The following VAT1L variants were observed in gnomAD, a reference collection of about 807,000 sequenced individuals.
The protein encoded by VAT1L is vesicle amine transport 1 like, also known as putative NADPH-dependent quinone oxidoreductase VAT1L.
A neutral mutation model predicts 44.1 loss-of-function variants in VAT1L; 34 were observed. The ratio of observed to expected loss-of-function variants is 0.77; its 90% confidence interval spans 0.59 to 1.03. VAT1L has a LOEUF of 1.03. Ranked by LOEUF, VAT1L falls within the 50% of genes least tolerant of loss-of-function variation. The pLI, the probability that VAT1L is intolerant of heterozygous loss-of-function variation, is 0.00. For synonymous variants in VAT1L, 253 were observed against 202.2 expected (o/e 1.25, Z -2.13); for missense variants, 615 against 538.8 (o/e 1.14, Z -1.40).
chr16:77,868,522 G>T (rs1311194899), intron 4 of VAT1L, among the ~76,000 whole-genome samples: 3 of 152,172 alleles, frequency 2.0e-5, no homozygotes, highest in Non-Finnish European at 2.9e-5. Flanking sequence ...AGTAAATACT[G>T]TGCTTATTTT....
chr16:77,832,454 G>C (rs2016590811), intron 3 of VAT1L, among the ~76,000 whole-genome samples: 2 of 152,106 alleles, frequency 1.3e-5, no homozygotes, highest in Admixed American at 1.3e-4. Flanking sequence ...CTCTAGTCTG[G>C]TCCCAATTGC....
At chr16:77,854,561 G>C (rs897816371) in intron 3 of VAT1L, among the ~76,000 whole-genome samples, 3 of 152,154 alleles carry the variant, frequency 2.0e-5, no homozygotes, top group Admixed American at 6.5e-5. Context: ...TAAGAAAAAC[G>C]TAAGTATGGC....
chr16:77,926,072 C>G (rs1308707182), intron 7 of VAT1L, among the ~76,000 whole-genome samples: 2 of 150,586 alleles, frequency 1.3e-5, no homozygotes, highest in African/African-American at 2.4e-5. Context: ...ACCATCCTGG[C>G]TAACACTGTG....
intron 3 of VAT1L, among the ~76,000 whole-genome samples, chr16:77,857,483 C>G (rs944472225): frequency 6.6e-5 from 10 of 151,990 alleles, no homozygotes; most frequent in Non-Finnish European, 1.5e-4. Flanking sequence ...CTCTCATTGC[C>G]TAAGACAGGT....
chr16:77,968,958 A>G (rs541945017), intron 7 of VAT1L, among the ~76,000 whole-genome samples: 26 of 152,084 alleles, frequency 1.7e-4, no homozygotes, highest in Middle Eastern at 3.4e-3. Context: ...AGCTGGGATT[A>G]CAGGCACCCA....
At chr16:77,844,316 G>A (rs2016736587) in intron 3 of VAT1L, among the ~76,000 whole-genome samples, 1 of 152,114 alleles carries the variant, frequency 6.6e-6, no homozygotes, top group Non-Finnish European at 1.5e-5. Context: ...CATTTACATT[G>A]TGCTAAGTAT....
At chr16:77,794,272 C>T (rs1005825165) in intron 1 of VAT1L, among the ~76,000 whole-genome samples, 2 of 152,156 alleles carry the variant, frequency 1.3e-5, no homozygotes, top group Non-Finnish European at 2.9e-5. Flanking sequence ...TTCAAAATTG[C>T]ACAGTACTAT....
intron 4 of VAT1L, among the ~76,000 whole-genome samples, chr16:77,873,442 C>T (rs1028397529): frequency 1.3e-5 from 2 of 152,184 alleles, no homozygotes; most frequent in African/African-American, 4.8e-5. Flanking sequence ...CAGTCTTAAA[C>T]TGTTTTCTTC....
chr16:77,864,259 G>C (rs956266906), intron 4 of VAT1L, among the ~76,000 whole-genome samples: 2 of 152,158 alleles, frequency 1.3e-5, no homozygotes, highest in African/African-American at 4.8e-5. Context: ...ACACAAAATT[G>C]TTACGTACAA....
At chr16:77,926,621 G>C (rs1203163122) in intron 7 of VAT1L, among the ~76,000 whole-genome samples, 1 of 152,072 alleles carries the variant, frequency 6.6e-6, no homozygotes, top group Non-Finnish European at 1.5e-5. Context: ...AAAAGATACG[G>C]TGGTTGATTA....
chr16:77,797,709 T>G (rs2015963774), intron 1 of VAT1L, among the ~76,000 whole-genome samples: 2 of 152,166 alleles, frequency 1.3e-5, no homozygotes, highest in African/African-American at 4.8e-5. Flanking sequence ...CACCCAGGCA[T>G]GAAGAAATAG....
At chr16:77,930,549 G>A (rs551178002) in intron 7 of VAT1L, among the ~76,000 whole-genome samples, 2 of 152,264 alleles carry the variant, frequency 1.3e-5, no homozygotes, top group Admixed American at 6.5e-5. Flanking sequence ...CGGACTCAAC[G>A]TTCTTGACAG....
chr16:77,966,498 G>A (rs4144523), intron 7 of VAT1L, among the ~76,000 whole-genome samples: 14 of 152,140 alleles, frequency 9.2e-5, no homozygotes, highest in Non-Finnish European at 1.5e-4. Context: ...CAGATACATC[G>A]TAAGTGGTGG....
chr16:77,844,154 C>T (rs924964243), intron 3 of VAT1L, among the ~76,000 whole-genome samples: 7 of 152,088 alleles, frequency 4.6e-5, no homozygotes, highest in Non-Finnish European at 1.0e-4. Context: ...ATAGCCAGCC[C>T]TTATATTATG....
At chr16:77,877,475 T>G (rs2017100076) in intron 5 of VAT1L, among the ~76,000 whole-genome samples, 1 of 130,586 alleles carries the variant, frequency 7.7e-6, no homozygotes, top group Admixed American at 9.1e-5. Context: ...ACCGCGCCAG[T>G]GCACTCTAGC....
rs2018358263 is a variant in VAT1L, at chr16:77,977,865, A to G, written c.*170A>G. The G allele has an allele frequency of 1.6e-6, 1 of 627,804 alleles. No homozygotes were observed. The highest frequency in any genetic ancestry group is 2.9e-6 in the Non-Finnish European group (1 of 348,810). 38.9% of individuals were successfully genotyped at this position (627,804 alleles called of 1,614,324 possible). A position where few individuals can be genotyped will look rare whatever the true frequency, so the allele number is the denominator to read the frequency against. ...ATCACTGTTGTTTTTTGAAGTGCCAATCCCATGCCATGCAGTATTATGTCC... is the reference window on the plus strand; with the variant it reads ...ATCACTGTTGTTTTTTGAAGTGCCAGTCCCATGCCATGCAGTATTATGTCC... On this transcript the variant is annotated 3_prime_UTR_variant, in exon 9 of 9. Coordinates refer to ENST00000302536, the MANE Select transcript of VAT1L (RefSeq NM_020927.3).
intron 7 of VAT1L, among the ~76,000 whole-genome samples, chr16:77,923,286 C>A (rs1238545405): frequency 6.6e-6 from 1 of 152,058 alleles, no homozygotes; most frequent in African/African-American, 2.4e-5. Flanking sequence ...CCGTATCTAC[C>A]AAAAATACAA....
intron 1 of VAT1L, among the ~76,000 whole-genome samples, chr16:77,789,654 C>T (rs749069254): frequency 2.0e-5 from 3 of 152,044 alleles, no homozygotes; most frequent in Non-Finnish European, 4.4e-5. Flanking sequence ...TGCAGCGCAA[C>T]CCCCTCCATG....
chr16:77,878,691 C>T (rs2017115334), intron 5 of VAT1L, among the ~76,000 whole-genome samples: 1 of 152,090 alleles, frequency 6.6e-6, no homozygotes, highest in South Asian at 2.1e-4. Flanking sequence ...CTTCTATACC[C>T]ATTTTTTCCA....
Sources: gnomAD v4.1 joint callset for allele counts (sites outside exome capture counted in the v4.1 genomes callset) on GRCh38, gnomAD v4.1.1 for gene constraint, MANE v1.5 for transcripts, NCBI Gene and HGNC (gene_info 2026-07-23, HGNC 2026-07-21) for gene names.